RIOK3: variants seen among roughly 807,000 people sequenced by gnomAD.
RIOK3 encodes the protein RIO kinase 3, also known as serine/threonine-protein kinase RIO3.
A neutral mutation model predicts 63.5 loss-of-function variants in RIOK3; 40 were observed. The observed-to-expected ratio is 0.63, with a 90% confidence interval of 0.49 to 0.82. The LOEUF is 0.82. Ranked by LOEUF, RIOK3 falls within the 40% of genes least tolerant of loss-of-function variation. The pLI is 0.00. For missense variants in RIOK3, 557 were observed against 637.0 expected, an observed-to-expected ratio of 0.87 and a Z score of 1.35; for synonymous variants, 193 against 205.0, an observed-to-expected ratio of 0.94 and a Z score of 0.50.
chr18:23,458,056 G>A (rs994196885), intron 1 of RIOK3, among the ~76,000 whole-genome samples: 5 of 145,742 alleles, frequency 3.4e-5, no homozygotes, highest in African/African-American at 7.8e-5. Flanking sequence ...ACCACGCCTG[G>A]CTAGTTGTTT....
chr18:23,457,757 A>G (rs965387519), intron 1 of RIOK3, among the ~76,000 whole-genome samples: 8 of 152,102 alleles, frequency 5.3e-5, no homozygotes, highest in Non-Finnish European at 1.0e-4. Context: ...AAAATTACTT[A>G]CTTAAATATT....
At chr18:23,470,994 G>A (rs561463138) in intron 7 of RIOK3, among the ~76,000 whole-genome samples, 96 of 152,298 alleles carry the variant, frequency 6.3e-4, no homozygotes, top group African/African-American at 2.1e-3. Context: ...CCTGAAAATT[G>A]TGTCATCTGT....
At chr18:23,468,349 G>C (rs1488656923) in intron 7 of RIOK3, among the ~76,000 whole-genome samples, 10 of 136,336 alleles carry the variant, frequency 7.3e-5, no homozygotes, top group African/African-American at 2.9e-4. Flanking sequence ...GTTGCCCAGG[G>C]TGGAGTACAA....
chr18:23,457,666 A>T (rs750413628), intron 1 of RIOK3, among the ~76,000 whole-genome samples: 5 of 152,202 alleles, frequency 3.3e-5, no homozygotes, highest in Non-Finnish European at 7.3e-5. Context: ...CTATTCTAAA[A>T]CCAAAAAAAT....
chr18:23,476,450 CTTT>C (rs1254166506), intron 9 of RIOK3, among the ~76,000 whole-genome samples: 1 of 152,092 alleles, frequency 6.6e-6, no homozygotes, highest in East Asian at 1.9e-4. Context: ...GGTGATCCAC[CTTT>C]CTCTGCCTCC....
At chr18:23,461,172 C>T (rs2145673385) in intron 1 of RIOK3, among the ~76,000 whole-genome samples, 1 of 152,354 alleles carries the variant, frequency 6.6e-6, no homozygotes, top group South Asian at 2.1e-4. Context: ...GCCCAGTTGT[C>T]TCTGAGTGTC....
At chr18:23,478,732 G>C (rs1011497266) in intron 11 of RIOK3, among the ~76,000 whole-genome samples, 1 of 143,804 alleles carries the variant, frequency 7.0e-6, no homozygotes, top group Non-Finnish European at 1.5e-5. Context: ...GTTGGCAGTA[G>C]ATTCAGATAG....
chr18:23,480,416 C>G (rs1464118538), intron 12 of RIOK3, among the ~76,000 whole-genome samples: 1 of 152,072 alleles, frequency 6.6e-6, no homozygotes, highest in Non-Finnish European at 1.5e-5. Context: ...TTTCCTGTTT[C>G]TGGAATGTTT....
chr18:23,472,292 T>C (rs1217667911), intron 7 of RIOK3, among the ~76,000 whole-genome samples: 9 of 151,898 alleles, frequency 5.9e-5, no homozygotes, highest in Non-Finnish European at 8.8e-5. Context: ...GCCATGGGGC[T>C]AAGTGAAATT....
chr18:23,477,766 C>CA (rs538290499), intron 11 of RIOK3, among the ~76,000 whole-genome samples: 1,951 of 69,068 alleles, frequency 0.028, 53 homozygotes, highest in African/African-American at 0.078. Context: ...GGCTCCGTCT[C>CA]AAAAAAAAAA....
In RIOK3 at chr18:23,481,906, A is replaced by C. The variant is rs2057537641; in HGVS notation, c.*627A>C. On this transcript the variant is annotated 3_prime_UTR_variant, in exon 13 of 13. Transcript: ENST00000339486. ...TTCTTTTTCCATACTTATATCTAAG[A>C]AAAGGCATCATAGGTTTCTGAAAGA... The C allele has an allele frequency of 6.6e-6, 1 of 152,230 alleles. No individual in the cohort carries two copies. The highest frequency in any genetic ancestry group is 1.5e-5 in the Non-Finnish European group (1 of 68,042). 9.4% of individuals were successfully genotyped at this position (152,230 alleles called of 1,614,324 possible).
rs1472856075 is a variant in RIOK3 at position 23,467,470 on chromosome 18, C to T, written c.759C>T (p.Ile253=). ...TCAACTCTGGAATGTTGGAGACAAT[C>T]ACTGGCTGTATTAGTACAGGAAAGG... ...KMVNSGMLET[I]TGCISTGKES... is the part of the protein sequence containing the mutation. The change falls in exon 7 of 13, where the codon ATC becomes ATT. Residue 253 remains isoleucine, a synonymous_variant. Transcript: ENST00000339486. 1 of 1,613,450 alleles carries T rather than the reference C, an allele frequency of 6.2e-7. No homozygotes were observed. Among genetic ancestry groups the T allele is most frequent in the South Asian group, 1.1e-5 (1 of 91,048 alleles).
Position 23,453,461 on chromosome 18 carries a change from T to G in RIOK3, c.22T>G (p.Ser8Ala). Residue 8 changes from serine to alanine, a missense_variant, in exon 1 of 13, where the codon TCG (serine) becomes GCG (alanine). Physicochemically the swap from Ser to Ala is moderately conservative, Grantham distance 99. Around this residue, in one of 3 missense-constraint regions of RIOK3, gnomAD observed 243 missense variants for 275.4 expected, o/e 0.88. Coordinates refer to ENST00000339486, the MANE Select transcript of RIOK3 (RefSeq NM_003831.5). Reference protein sequence around the residue: MDLVGVASPEPGTAAAWG... With the variant: MDLVGVAAPEPGTAAAWG... ...CCGAATGGATCTGGTAGGAGTGGCA[T>G]CGCCTGAGCCCGGGACGGCAGCGGC... is the stretch of plus-strand genomic sequence containing the variant. 1 of 1,613,878 alleles carries G rather than the reference T, an allele frequency of 6.2e-7. No homozygotes were observed. The highest frequency in any genetic ancestry group is 8.5e-7 in the Non-Finnish European group (1 of 1,179,896).
intron 9 of RIOK3, among the ~76,000 whole-genome samples, chr18:23,475,755 T>C (rs926574241): frequency 6.6e-6 from 1 of 152,206 alleles, no homozygotes; most frequent in Non-Finnish European, 1.5e-5. Context: ...TATCAATATG[T>C]GTGTGTCTTA....
intron 1 of RIOK3, chr18:23,456,527 ATAGAT>A (rs1400093496): frequency 2.0e-5 from 3 of 152,294 alleles, no homozygotes; most frequent in South Asian, 2.1e-4. Context: ...ACTTAAAAAA[ATAGAT>A]TAGAACATGT....
At chr18:23,479,621 G>C (rs2145706411) in intron 12 of RIOK3, among the ~76,000 whole-genome samples, 197 bp downstream of exon 12, 1 of 151,282 alleles carries the variant, frequency 6.6e-6, no homozygotes, top group Non-Finnish European at 1.5e-5. Flanking sequence ...TTGTCACTCA[G>C]GCTGGAATGC....
chr18:23,463,024 C>G lies in RIOK3; in HGVS notation c.124C>G (p.Gln42Glu). Residue 42 changes from glutamine (Q) to glutamate (E), a missense_variant, in exon 2 of 13, where the codon CAG becomes GAG. By Grantham distance (29) the Gln-to-Glu change is conservative. This residue lies in a region of RIOK3 where 243 missense variants were observed against 275.4 expected (regional missense o/e 0.88). Coordinates refer to ENST00000339486, the MANE Select transcript of RIOK3 (RefSeq NM_003831.5). The stretch of plus-strand genomic sequence containing the variant: ...TTCTTTGGCTGATGTAATGAGTGAA[C>G]AGCTGGCCAAAGAATTGCAGTTAGA... ...SCSLADVMSE[Q>E]LAKELQLEEE... 1.2e-6 allele frequency: 2 copies of G among 1,609,734 alleles called. No homozygotes were observed. Among genetic ancestry groups the G allele is most frequent in the East Asian group, 2.2e-5 (1 of 44,576 alleles).
chr18:23,453,613 C>T, intron 1 of RIOK3, 111 bp downstream of exon 1: 1 of 969,024 alleles, frequency 1.0e-6, no homozygotes. Context: ...GGGGCGGGAC[C>T]CCGCGGACCT....
intron 1 of RIOK3, among the ~76,000 whole-genome samples, chr18:23,454,969 T>G (rs1403737179): frequency 1.3e-5 from 2 of 152,266 alleles, no homozygotes; most frequent in East Asian, 3.8e-4. Context: ...GGAAGGATTC[T>G]CAAAACTTTT....
Sources: allele counts gnomAD v4.1 joint callset (sites outside exome capture counted in the v4.1 genomes callset), GRCh38; gene constraint gnomAD v4.1.1; regional missense constraint gnomAD v4.1.1; transcripts MANE v1.5; gene names NCBI Gene and HGNC (gene_info 2026-07-23, HGNC 2026-07-21).